The following KCNT2 variants were observed in gnomAD, a reference collection of about 807,000 sequenced individuals.
The protein encoded by KCNT2 is potassium sodium-activated channel subfamily T member 2.
A neutral mutation model predicts 153.8 loss-of-function variants in KCNT2; 67 were observed. That is an observed-to-expected ratio of 0.44 (90% CI 0.36 to 0.53). The LOEUF (loss-of-function observed/expected upper bound fraction) is 0.53, where lower values mean the gene tolerates loss of function less well. KCNT2 is among the 20% of genes least tolerant of loss of function. The pLI, the probability that KCNT2 is intolerant of heterozygous loss-of-function variation, is 0.00. For missense variants in KCNT2, 975 were observed against 1,354.8 expected, an observed-to-expected ratio of 0.72 and a Z score of 4.40; for synonymous variants, 500 against 458.8, an observed-to-expected ratio of 1.09 and a Z score of -1.15.
intron 1 of KCNT2, among the ~76,000 whole-genome samples, chr1:196,543,273 G>C (rs1250081987): frequency 6.6e-6 from 1 of 152,060 alleles, no homozygotes. Context: ...CAATATCTTA[G>C]AGAATTAACA....
At chr1:196,230,235 T>C (rs1220767905) in intron 27 of KCNT2, among the ~76,000 whole-genome samples, 1 of 152,026 alleles carries the variant, frequency 6.6e-6, no homozygotes. Flanking sequence ...AATACTCATT[T>C]ACCATTCTGG....
intron 4 of KCNT2, 144 bp from the exon 5 acceptor site, chr1:196,479,382 C>T: frequency 1.8e-6 from 1 of 567,704 alleles, no homozygotes; most frequent in Non-Finnish European, 3.1e-6. Flanking sequence ...GGTACTTTAA[C>T]TTCTATACAC....
At chr1:196,292,995 A>T (rs2147926385) in intron 22 of KCNT2, among the ~76,000 whole-genome samples, 1 of 152,116 alleles carries the variant, frequency 6.6e-6, no homozygotes, top group East Asian at 1.9e-4. Context: ...AAACTACCTG[A>T]AAAAATAATT....
chr1:196,363,842 G>A (rs1436596606), intron 14 of KCNT2, among the ~76,000 whole-genome samples: 1 of 152,144 alleles, frequency 6.6e-6, no homozygotes, highest in Non-Finnish European at 1.5e-5. Flanking sequence ...CTACTGAGAT[G>A]TCATTGCCTC....
intron 5 of KCNT2, among the ~76,000 whole-genome samples, chr1:196,475,340 C>A (rs1367597942): frequency 2.6e-5 from 4 of 152,094 alleles, no homozygotes; most frequent in Non-Finnish European, 5.9e-5. Flanking sequence ...CTTAGCCAGG[C>A]ATGGTGGCTC....
intron 17 of KCNT2, among the ~76,000 whole-genome samples, chr1:196,331,844 A>G (rs1353575929): frequency 6.6e-6 from 1 of 152,158 alleles, no homozygotes; most frequent in Non-Finnish European, 1.5e-5. Context: ...CCGAAATGGA[A>G]CAAATAACTG....
chr1:196,492,622 TAATG>T (rs1364289255), intron 1 of KCNT2, among the ~76,000 whole-genome samples: 4 of 152,158 alleles, frequency 2.6e-5, no homozygotes, highest in Non-Finnish European at 5.9e-5. Flanking sequence ...TTATTTGTAT[TAATG>T]AATATAATGA....
At chr1:196,269,438 C>T (rs1018942441) in intron 25 of KCNT2, among the ~76,000 whole-genome samples, 7 of 152,058 alleles carry the variant, frequency 4.6e-5, no homozygotes, top group Non-Finnish European at 1.0e-4. Context: ...CAATCACCTT[C>T]AGTGTATTAT....
intron 1 of KCNT2, among the ~76,000 whole-genome samples, chr1:196,582,979 G>A (rs1365795913): frequency 5.9e-5 from 9 of 152,038 alleles, no homozygotes; most frequent in Non-Finnish European, 1.0e-4. Context: ...CTGAGATAAA[G>A]ATTATGTAAG....
chr1:196,373,056 C>T (rs1668664587), intron 14 of KCNT2, 84 bp downstream of exon 14: 2 of 692,932 alleles, frequency 2.9e-6, no homozygotes, highest in South Asian at 3.3e-5. Flanking sequence ...TATACGTAGG[C>T]CTTCTATATT....
chr1:196,573,281 A>G (rs1660983572), intron 1 of KCNT2, among the ~76,000 whole-genome samples: 1 of 152,094 alleles, frequency 6.6e-6, no homozygotes, highest in Admixed American at 6.6e-5. Flanking sequence ...AAGCACAAAT[A>G]TAACTCATAA....
At chr1:196,600,426 T>A (rs1664594073) in intron 1 of KCNT2, among the ~76,000 whole-genome samples, 1 of 152,226 alleles carries the variant, frequency 6.6e-6, no homozygotes, top group African/African-American at 2.4e-5. Flanking sequence ...GAGCACAAAG[T>A]TTTTGTTTTT....
At position 196,396,002 on chromosome 1, in the gene KCNT2, G is replaced by T. The variant is rs562591835; in HGVS notation, c.1294+2561C>A. Among the ~76,000 whole-genome samples the T allele has an allele frequency of 3.3e-5, 5 of 151,654 alleles. No individual in the cohort carries two copies. In the East Asian group the frequency reaches 9.8e-4, roughly 30 times the overall value. On this transcript the variant is annotated intron_variant, in intron 13 of 27. Transcript: ENST00000294725. The stretch of plus-strand genomic sequence containing the variant: ...TATTATTTTATCACCAACAGTATTA[G>T]TTATCTACTGCCACATGACTAGTAA...
chr1:196,295,792 ATTAGTT>A (rs904261648), intron 22 of KCNT2, among the ~76,000 whole-genome samples: 3 of 152,048 alleles, frequency 2.0e-5, no homozygotes, highest in Non-Finnish European at 2.9e-5. Context: ...CATTCAAGAG[ATTAGTT>A]TTAAGTTAGG....
chr1:196,579,806 A>T (rs1278914181), intron 1 of KCNT2, among the ~76,000 whole-genome samples: 2 of 151,994 alleles, frequency 1.3e-5, no homozygotes, highest in African/African-American at 4.8e-5. Flanking sequence ...TTAAATTTTT[A>T]AAAAGACCTA....
chr1:196,390,160 A>ATTTTGGCATATT (rs1406075065), intron 13 of KCNT2, among the ~76,000 whole-genome samples: 1 of 151,246 alleles, frequency 6.6e-6, no homozygotes, highest in African/African-American at 2.4e-5. Context: ...TATTTCATAT[A>ATTTTGGCATATT]TTTTGGCATA....
chr1:196,493,844 C>T (rs1490442418), intron 1 of KCNT2, among the ~76,000 whole-genome samples: 1 of 151,864 alleles, frequency 6.6e-6, no homozygotes. Context: ...TTTTTATTTC[C>T]TCGTTATCAT....
chr1:196,561,124 A>C (rs1659322823), intron 1 of KCNT2, among the ~76,000 whole-genome samples: 1 of 151,870 alleles, frequency 6.6e-6, no homozygotes, highest in African/African-American at 2.4e-5. Flanking sequence ...ATGTTCTTAT[A>C]ATTAAAAATG....
At chr1:196,479,385 C>G (rs555927519) in intron 4 of KCNT2, 147 bp from the exon 5 acceptor site, 2 of 566,804 alleles carry the variant, frequency 3.5e-6, no homozygotes, top group South Asian at 4.6e-5. Context: ...ACTTTAACTT[C>G]TATACACAGA....
Sources: gnomAD v4.1 joint callset for allele counts (sites outside exome capture counted in the v4.1 genomes callset) on GRCh38, gnomAD v4.1.1 for gene constraint, MANE v1.5 for transcripts, NCBI Gene and HGNC (gene_info 2026-07-23, HGNC 2026-07-21) for gene names.